Variants in FRMPD2 observed in about 807,000 individuals in gnomAD.
FRMPD2 encodes FERM and PDZ domain containing 2, also known as FERM and PDZ domain-containing protein 2.
In FRMPD2, 96 loss-of-function variants were observed where a neutral mutation model predicts 140.1. The ratio of observed to expected loss-of-function variants is 0.69; its 90% CI spans 0.58 to 0.81. The LOEUF (loss-of-function observed/expected upper bound fraction) is 0.81, where lower values mean the gene tolerates loss of function less well. FRMPD2 is among the 40% of genes least tolerant of loss of function. The pLI is 0.00. For synonymous variants in FRMPD2, 449 were observed against 547.6 expected (o/e 0.82, Z 2.52); for missense variants, 1,240 against 1,447.4 (o/e 0.86, Z 2.32).
At chr10:48,210,120 A>G (rs777972694) in intron 13 of FRMPD2, among the ~76,000 whole-genome samples, 1 of 152,152 alleles carries the variant, frequency 6.6e-6, no homozygotes, top group Non-Finnish European at 1.5e-5. Context: ...TACTTTTATA[A>G]TCAGGGAGGG....
chr10:48,245,888 A>T (rs970791461), intron 3 of FRMPD2, among the ~76,000 whole-genome samples: 1 of 152,238 alleles, frequency 6.6e-6, no homozygotes, highest in African/African-American at 2.4e-5. Flanking sequence ...ATGTAAAAAC[A>T]CACAGTTATT....
At chr10:48,236,228 T>A (rs1473217277) in intron 9 of FRMPD2, among the ~76,000 whole-genome samples, 1 of 152,170 alleles carries the variant, frequency 6.6e-6, no homozygotes, top group East Asian at 1.9e-4. Context: ...ACCTGGTAGA[T>A]GTTTCACAGC....
intron 20 of FRMPD2, among the ~76,000 whole-genome samples, chr10:48,182,295 T>C (rs1838571285): frequency 6.6e-6 from 1 of 152,098 alleles, no homozygotes; most frequent in Non-Finnish European, 1.5e-5. Flanking sequence ...CTCTTCCACA[T>C]CCTCCATGAG....
In FRMPD2 at chr10:48,157,226, G is replaced by T; in HGVS notation, c.*96C>A. The stretch of plus-strand genomic sequence containing the variant: ...TCAAAGAACAAGACTTCCAGGGGCT[G>T]CCCCAAGTTCGCCACACACGCCTCT... On this transcript the variant is annotated 3_prime_UTR_variant, in exon 29 of 29. Coordinates refer to ENST00000374201, the MANE Select transcript of FRMPD2 (RefSeq NM_001018071.4). 3.1e-6 allele frequency: 2 copies of T among 654,782 alleles called. No homozygotes were observed. The highest frequency in any genetic ancestry group is 5.6e-6 in the Non-Finnish European group (2 of 355,802). 40.6% of individuals were successfully genotyped at this position (654,782 alleles called of 1,614,324 possible).
At chr10:48,238,203 C>T (rs1394798810) in intron 7 of FRMPD2, 80 bp from the exon 8 acceptor site, 1 of 1,472,696 alleles carries the variant, frequency 6.8e-7, no homozygotes, top group Non-Finnish European at 9.2e-7. Flanking sequence ...CGCACAGGGG[C>T]TCAGTTGGGC....
chr10:48,236,524 A>T lies in FRMPD2; in HGVS notation c.951T>A (p.Ala317=). The change falls in exon 9 of 29, where the codon GCT becomes GCA. Residue 317 remains alanine (A), a synonymous_variant. Coordinates refer to ENST00000374201, the MANE Select transcript of FRMPD2 (RefSeq NM_001018071.4). The stretch of plus-strand genomic sequence containing the variant: ...GATGTAGTGTCATCGGGGCCTCTCC[A>T]GCCAACAGGATGAACTCTGGCCTGG... ...KFSRPEFILL[A]GEAPMTLHLP... is the part of the protein sequence containing the mutation. 6.2e-7 allele frequency: 1 copy of T among 1,614,238 alleles called. No homozygotes were observed.
chr10:48,187,369 G>A, intron 16 of FRMPD2, 77 bp from the exon 17 acceptor site: 1 of 1,266,256 alleles, frequency 7.9e-7, no homozygotes, highest in Non-Finnish European at 1.1e-6. Flanking sequence ...GTGGCTCAGG[G>A]AGGCAACTTC....
chr10:48,201,440 C>G, intron 14 of FRMPD2, 56 bp from the exon 15 acceptor site: 1 of 1,534,360 alleles, frequency 6.5e-7, no homozygotes, highest in Admixed American at 1.8e-5. Context: ...CCTCCACTGA[C>G]GCACAACTGC....
At chr10:48,238,816 C>T (rs1427208023) in intron 7 of FRMPD2, among the ~76,000 whole-genome samples, 2 of 152,254 alleles carry the variant, frequency 1.3e-5, no homozygotes, top group African/African-American at 4.8e-5. Context: ...CCCTGATCTG[C>T]ACCCTTTGCA....
At chr10:48,157,972 A>C (rs1222866326) in intron 28 of FRMPD2, among the ~76,000 whole-genome samples, 1 of 139,210 alleles carries the variant, frequency 7.2e-6, no homozygotes, top group Non-Finnish European at 1.6e-5. Context: ...AGCCTTGTTG[A>C]GGAGTGGAAG....
At chr10:48,194,540 C>A (rs188508134) in intron 15 of FRMPD2, among the ~76,000 whole-genome samples, 118 of 152,182 alleles carry the variant, frequency 7.8e-4, no homozygotes, top group South Asian at 1.7e-3. Context: ...AAAGGTTTAG[C>A]GAGTTTGAAG....
intron 15 of FRMPD2, among the ~76,000 whole-genome samples, chr10:48,193,977 G>A (rs1456887412): frequency 6.6e-6 from 1 of 152,166 alleles, no homozygotes; most frequent in Non-Finnish European, 1.5e-5. Context: ...CTCACATACA[G>A]TAGGCAAAAA....
intron 16 of FRMPD2, among the ~76,000 whole-genome samples, chr10:48,190,047 A>T (rs1054038616): frequency 1.3e-5 from 2 of 152,158 alleles, no homozygotes; most frequent in African/African-American, 4.8e-5. Context: ...TTGGCAAAGG[A>T]CTTCCATGAT....
At chr10:48,254,806 T>C (rs1174324014) in intron 1 of FRMPD2, among the ~76,000 whole-genome samples, 1 of 152,262 alleles carries the variant, frequency 6.6e-6, no homozygotes, top group African/African-American at 2.4e-5. Context: ...TTTACGCTCT[T>C]GGTCTCAGAG....
intron 4 of FRMPD2, among the ~76,000 whole-genome samples, chr10:48,243,078 A>G (rs1431527047): frequency 6.6e-6 from 1 of 152,184 alleles, no homozygotes; most frequent in Non-Finnish European, 1.5e-5. Context: ...AGCTGTGAGC[A>G]CCTATCTCTG....
intron 6 of FRMPD2, among the ~76,000 whole-genome samples, chr10:48,239,957 T>A (rs570159300): frequency 3.5e-4 from 54 of 152,194 alleles, no homozygotes; most frequent in Middle Eastern, 3.4e-3. Context: ...TTAATTTTTT[T>A]AAAAAAAGCT....
At chr10:48,183,725 G>A (rs61840033) in intron 20 of FRMPD2, among the ~76,000 whole-genome samples, 4,229 of 151,938 alleles carry the variant, frequency 0.028, 99 homozygotes, top group Non-Finnish European at 0.042. Context: ...GGCAGCGCGT[G>A]CCTGTAATCC....
chr10:48,260,168 T>C (rs1840558214), intron 1 of FRMPD2, among the ~76,000 whole-genome samples: 1 of 151,872 alleles, frequency 6.6e-6, no homozygotes, highest in African/African-American at 2.4e-5. Context: ...GATTGATAGA[T>C]AGATAGATCT....
chr10:48,220,238 G>A (rs1276833181), intron 12 of FRMPD2, among the ~76,000 whole-genome samples: 2 of 152,084 alleles, frequency 1.3e-5, no homozygotes, highest in Admixed American at 6.5e-5. Flanking sequence ...ATAAAAATAG[G>A]CATATAGACC....
Sources: gnomAD v4.1 joint callset for allele counts (sites outside exome capture counted in the v4.1 genomes callset) on GRCh38, gnomAD v4.1.1 for gene constraint, MANE v1.5 for transcripts, NCBI Gene and HGNC (gene_info 2026-07-23, HGNC 2026-07-21) for gene names.